The following KLHL26 variants were observed in gnomAD, a reference collection of about 807,000 sequenced individuals.
KLHL26 encodes the protein kelch-like protein 26.
In KLHL26, 4 loss-of-function variants were observed where a neutral mutation model predicts 7.1. The ratio of observed to expected loss-of-function variants is 0.56; its 90% CI spans 0.28 to 1.28. The LOEUF is 1.28. Among genes scored for constraint, KLHL26 ranks in the 50% most tolerant of loss-of-function variants. The pLI is 0.11. For synonymous variants in KLHL26, 465 were observed against 414.1 expected, an observed-to-expected ratio of 1.12 and a Z score of -1.49; for missense variants, 896 against 924.6, an observed-to-expected ratio of 0.97 and a Z score of 0.40.
At chr19:18,660,868 G>A (rs576638885) in intron 1 of KLHL26, among the ~76,000 whole-genome samples, 5 of 152,338 alleles carry the variant, frequency 3.3e-5, no homozygotes, top group Admixed American at 6.5e-5. Context: ...ACCAGGGCAT[G>A]AGGAGGAGGC....
At chr19:18,661,831 G>A (rs1014688110) in intron 1 of KLHL26, among the ~76,000 whole-genome samples, 1 of 151,866 alleles carries the variant, frequency 6.6e-6, no homozygotes, top group Non-Finnish European at 1.5e-5. Context: ...AAGCGAGGCT[G>A]ACTCTTACGT....
chr19:18,654,699 A>G (rs1211186901), intron 1 of KLHL26, among the ~76,000 whole-genome samples: 1 of 150,616 alleles, frequency 6.6e-6, no homozygotes, highest in East Asian at 2.0e-4. Context: ...CCATCTATCC[A>G]CCCATCCATC....
rs570606112 is a variant in KLHL26 at position 18,644,934 on chromosome 19, G to A, written c.83+7797G>A. Among the ~76,000 whole-genome samples the A allele has an allele frequency of 6.2e-4, 94 of 151,676 alleles. 4 individuals are homozygous for A. The South Asian group carries it at 0.018, about 29-fold the overall frequency. On this transcript the variant is annotated intron_variant, in intron 1 of 2. Transcript: ENST00000300976. ...GGACTGCGCTCCCCCACCCCCGACC[G>A]CCCCCAACGTTATATAACTTGTTTG...
rs568346863 is a variant in KLHL26, at chr19:18,658,144, C to T, written c.84-6117C>T. On this transcript the variant is annotated intron_variant, in intron 1 of 2. Coordinates refer to ENST00000300976, the MANE Select transcript of KLHL26 (RefSeq NM_018316.3). ...GCGGGGGAGCAGGGGCACGCTGGGC[C>T]GCGGTGTTCCCATCTTGGAGAGGGA... Among the ~76,000 whole-genome samples the T allele has an allele frequency of 3.9e-5, 6 of 152,216 alleles. No individual in the cohort carries two copies. In the East Asian group the frequency reaches 1.2e-3, roughly 29 times the overall value.
chr19:18,638,223 T>G (rs1568452395), intron 1 of KLHL26, among the ~76,000 whole-genome samples: 1 of 152,208 alleles, frequency 6.6e-6, no homozygotes, highest in Non-Finnish European at 1.5e-5. Context: ...GTTTGATACT[T>G]ACGTGCTGTG....
rs764015226 is a variant in KLHL26, at chr19:18,670,902, G to A, written c.*1657G>A. On this transcript the variant is annotated 3_prime_UTR_variant, in exon 3 of 3. Transcript: ENST00000300976. ...TAATTTTTGTATTTTTAGTACAGAC[G>A]GGGTTTCACCATGTTGGCCAGGCTG... The A allele has an allele frequency of 2.0e-5, 3 of 152,184 alleles. No individual in the cohort carries two copies. The highest frequency in any genetic ancestry group is 6.5e-5 in the Admixed American group (1 of 15,268). 9.4% of individuals were successfully genotyped at this position (152,184 alleles called of 1,614,324 possible).
chr19:18,668,441 G>A lies in KLHL26; in HGVS notation c.1044G>A (p.Glu348=), dbSNP rs1294900584. 1.2e-6 allele frequency: 2 copies of A among 1,611,364 alleles called. No homozygotes were observed. Among genetic ancestry groups the A allele is most frequent in the African/African-American group, 2.7e-5 (2 of 74,940 alleles). The part of the protein sequence containing the change: ...ARHFRELTEM[E]VGCSHTCVAV... ...ACTTCCGCGAGCTCACGGAGATGGA[G>A]GTAGGCTGCAGCCACACGTGCGTGG... The change falls in exon 3 of 3, where the codon GAG becomes GAA. Residue 348 remains glutamate, a synonymous_variant. Transcript: ENST00000300976.
rs1231461041 is a variant in KLHL26, at chr19:18,669,796, G to C, written c.*551G>C. On this transcript the variant is annotated 3_prime_UTR_variant, in exon 3 of 3. Transcript: ENST00000300976. ...AAGCCCCTGGTTTGGGGTGGGTGGA[G>C]GAGGAGGGCACGTGTCTGCCTCCCC... 6.4e-6 allele frequency: 1 copy of C among 155,962 alleles called. No individual in the cohort carries two copies. The highest frequency in any genetic ancestry group is 1.4e-5 in the Non-Finnish European group (1 of 70,928). The allele number at this position is 155,962 out of a possible 1,614,324, so 9.7% of individuals were successfully genotyped here. A position where few individuals can be genotyped will look rare whatever the true frequency, so the allele number is the denominator to read the frequency against.
chr19:18,669,528 C>A lies in KLHL26; in HGVS notation c.*283C>A. 1.8e-6 allele frequency: 1 copy of A among 564,546 alleles called. No homozygotes were observed. Among genetic ancestry groups the A allele is most frequent in the South Asian group, 2.4e-5 (1 of 42,296 alleles). 35.0% of individuals were successfully genotyped at this position (564,546 alleles called of 1,614,324 possible). On this transcript the variant is annotated 3_prime_UTR_variant, in exon 3 of 3. Coordinates refer to ENST00000300976, the MANE Select transcript of KLHL26 (RefSeq NM_018316.3). ...TTTCCTCGCCTGGCCCCCGAGTCCC[C>A]ACGGGCTGGCGGGTGGAATCCCAGG...
chr19:18,652,184 T>TGCAGGAGA (rs1053435518), intron 1 of KLHL26, among the ~76,000 whole-genome samples: 4 of 151,988 alleles, frequency 2.6e-5, no homozygotes, highest in African/African-American at 9.7e-5. Context: ...AGACAGGATG[T>TGCAGGAGA]GCAGGAGAGT....
intron 2 of KLHL26, among the ~76,000 whole-genome samples, chr19:18,667,103 C>G (rs1427511164): frequency 7.9e-5 from 12 of 152,014 alleles, no homozygotes; most frequent in Admixed American, 7.2e-4. Flanking sequence ...CAGGGAGTTG[C>G]TATTTATAGG....
intron 1 of KLHL26, among the ~76,000 whole-genome samples, chr19:18,647,438 G>GT (rs1013471935): frequency 8.0e-4 from 122 of 152,134 alleles, no homozygotes; most frequent in African/African-American, 2.8e-3. Context: ...CAGCCCTTTG[G>GT]TTTTTTCCTT....
At chr19:18,666,609 A>T (rs1036293009) in intron 2 of KLHL26, among the ~76,000 whole-genome samples, 3 of 152,144 alleles carry the variant, frequency 2.0e-5, no homozygotes, top group Non-Finnish European at 4.4e-5. Flanking sequence ...GCACAGCAGT[A>T]CAAGGGCGGA....
chr19:18,642,134 T>C (rs569505606), intron 1 of KLHL26, among the ~76,000 whole-genome samples: 1 of 152,146 alleles, frequency 6.6e-6, no homozygotes, highest in African/African-American at 2.4e-5. Flanking sequence ...TTTGAGACAT[T>C]GAGTCTTTGT....
chr19:18,645,443 A>G (rs1976785433), intron 1 of KLHL26, among the ~76,000 whole-genome samples: 1 of 152,062 alleles, frequency 6.6e-6, no homozygotes, highest in Admixed American at 6.6e-5. Context: ...GCCCAGGCTC[A>G]CTGAGTCATG....
At position 18,637,093 on chromosome 19, in the gene KLHL26, C is replaced by T. The variant is rs1976631979; in HGVS notation, c.39C>T (p.Gly13=). The T allele has an allele frequency of 7.2e-7, 1 of 1,382,752 alleles. No individual in the cohort carries two copies. Among genetic ancestry groups the T allele is most frequent in the Non-Finnish European group, 9.4e-7 (1 of 1,067,510 alleles). The allele number at this position is 1,382,752 out of a possible 1,614,324, so 85.7% of individuals were successfully genotyped here. ...GCGGTAGCAGCGGTGGTGCTGGTGG[C>T]GGCGGCGCTTTCGGCGCGGGCCCGG... ...ESGGSSGGAG[G]GGAFGAGPGP... The change falls in exon 1 of 3, where the codon GGC becomes GGT. Residue 13 remains glycine (G), a synonymous_variant. Transcript: ENST00000300976.
rs1371156619 is a variant in KLHL26, at chr19:18,660,183, G to GCCAGGGCAGACCTGGGCGTGTCCTTGGGT, written c.84-4073_84-4045dup. ...ATCTGAGAGGAGCAGGGGTGGTGTT[G>GCCAGGGCAGACCTGGGCGTGTCCTTGGGT]CCAGGGCAGACCTGGGCGTGTCCTT... On this transcript the variant is annotated intron_variant, in intron 1 of 2. Coordinates refer to ENST00000300976, the MANE Select transcript of KLHL26 (RefSeq NM_018316.3). 2.6e-5 allele frequency among the ~76,000 whole-genome samples: 4 copies of GCCAGGGCAGACCTGGGCGTGTCCTTGGGT among 152,228 alleles called. No individual in the cohort carries two copies. The East Asian group carries it at 5.8e-4, about 22-fold the overall frequency.
rs945214518 is a variant in KLHL26, at chr19:18,662,453, C to T, written c.84-1808C>T. 6.6e-5 allele frequency among the ~76,000 whole-genome samples: 10 copies of T among 152,302 alleles called. No homozygotes were observed. The East Asian group carries it at 1.2e-3, about 18-fold the overall frequency. The stretch of plus-strand genomic sequence containing the variant: ...TGCCTGGACCGCGTGCCCATGAGGA[C>T]GGGGCCTACTTCGTCTCATTTACGC... On this transcript the variant is annotated intron_variant, in intron 1 of 2. Transcript: ENST00000300976.
intron 2 of KLHL26, among the ~76,000 whole-genome samples, chr19:18,664,999 C>T (rs969929137): frequency 4.6e-5 from 7 of 151,596 alleles, no homozygotes; most frequent in Non-Finnish European, 1.0e-4. Context: ...CCTGTGGGCA[C>T]CCACTCACTT....
Sources: gnomAD v4.1 joint callset for allele counts (sites outside exome capture counted in the v4.1 genomes callset) on GRCh38, gnomAD v4.1.1 for gene constraint, MANE v1.5 for transcripts, NCBI Gene and HGNC (gene_info 2026-07-23, HGNC 2026-07-21) for gene names.